USP26: variants seen among roughly 807,000 people sequenced by gnomAD.
USP26 encodes the protein ubiquitin carboxyl-terminal hydrolase 26.
For missense variants in USP26, 649 were observed against 642.3 expected, an observed-to-expected ratio of 1.01 and a Z score of -0.11; for synonymous variants, 236 against 240.6, an observed-to-expected ratio of 0.98 and a Z score of 0.18.
In USP26 at chrX:133,023,667, T is replaced by C. The variant is rs1602963219; in HGVS notation, c.*1812A>G. ...ATTCAATCTATGATATTCCCTCCTA[T>C]ATACCTTAGCAATCTTCAGGTCTCA... On this transcript the variant is annotated 3_prime_UTR_variant, in exon 6 of 6. Transcript: ENST00000511190. Among the ~76,000 whole-genome samples, 1 of 111,720 alleles carries C rather than the reference T, an allele frequency of 9.0e-6. No homozygotes were observed. The highest frequency in any genetic ancestry group is 3.3e-5 in the African/African-American group (1 of 30,738).
intron 5 of USP26, among the ~76,000 whole-genome samples, chrX:133,039,122 C>A (rs2067407600): frequency 9.0e-6 from 1 of 110,891 alleles, no homozygotes; most frequent in African/African-American, 3.3e-5. Context: ...AGCTCCTGGA[C>A]TCATTGATTT....
At chrX:133,082,562 C>A (rs1166760766) in intron 5 of USP26, among the ~76,000 whole-genome samples, 1 of 111,989 alleles carries the variant, frequency 8.9e-6, no homozygotes, top group Admixed American at 9.5e-5. Flanking sequence ...TGTGAGTAAA[C>A]CTCCTGGAGA....
At chrX:133,051,849 T>C (rs1260382866) in intron 5 of USP26, among the ~76,000 whole-genome samples, 1 of 112,353 alleles carries the variant, frequency 8.9e-6, no homozygotes, top group Non-Finnish European at 1.9e-5. Context: ...TCCATATTCA[T>C]ATAGGGAAGA....
chrX:133,058,157 A>G (rs2067482935), intron 5 of USP26, among the ~76,000 whole-genome samples: 1 of 107,718 alleles, frequency 9.3e-6, no homozygotes, highest in South Asian at 4.2e-4. Flanking sequence ...CTGGGATTAC[A>G]GGCATGATAT....
At chrX:133,067,952 C>T (rs888949436) in intron 5 of USP26, among the ~76,000 whole-genome samples, 1 of 111,622 alleles carries the variant, frequency 9.0e-6, no homozygotes, top group Non-Finnish European at 1.9e-5. Context: ...AAAACAGTTC[C>T]TTAAAGAAGC....
chrX:133,036,291 C>A (rs755893240), intron 5 of USP26, among the ~76,000 whole-genome samples: 1 of 110,236 alleles, frequency 9.1e-6, no homozygotes, highest in Non-Finnish European at 1.9e-5. Context: ...GCTCCATATG[C>A]ATTAGGTATT....
At chrX:133,057,256 T>C (rs1422508836) in intron 5 of USP26, among the ~76,000 whole-genome samples, 1 of 111,489 alleles carries the variant, frequency 9.0e-6, no homozygotes, top group African/African-American at 3.3e-5. Flanking sequence ...GACTTTATTA[T>C]TTTAGAAAGT....
At chrX:133,038,515 C>T (rs1275862255) in intron 5 of USP26, among the ~76,000 whole-genome samples, 1 of 111,552 alleles carries the variant, frequency 9.0e-6, no homozygotes, top group African/African-American at 3.3e-5. Context: ...GGGACGAAGC[C>T]GGCTTGATTG....
rs1486812239 is a variant in USP26, at chrX:133,057,864, A to AT, written c.-77+25842dup. Among the ~76,000 whole-genome samples the AT allele has an allele frequency of 6.4e-3, 97 of 15,150 alleles. 2 individuals carry two copies. Among genetic ancestry groups the AT allele is most frequent in the East Asian group, 0.013 (9 of 717 alleles). 13.2% of individuals were successfully genotyped at this position (15,150 alleles called of 115,157 possible). The stretch of plus-strand genomic sequence containing the variant: ...TTACATTATATATATATATATATAT[A>AT]TATTTTTTTTTTTTTTTTTTTTTTT... On this transcript the variant is annotated intron_variant, in intron 5 of 5. Transcript: ENST00000511190.
chrX:133,083,121 G>A (rs1444494202), intron 5 of USP26, among the ~76,000 whole-genome samples: 1 of 112,048 alleles, frequency 8.9e-6, no homozygotes, highest in African/African-American at 3.2e-5. Flanking sequence ...AGTTCAAGGG[G>A]AGGGGAGGAG....
chrX:133,045,920 G>C (rs1339447803), intron 5 of USP26: 1 of 112,204 alleles, frequency 8.9e-6, no homozygotes, highest in Non-Finnish European at 1.9e-5. Flanking sequence ...GTCATCCTGG[G>C]AACATCCATG....
intron 5 of USP26, among the ~76,000 whole-genome samples, chrX:133,079,935 A>G (rs1263441936): frequency 8.9e-6 from 1 of 111,958 alleles, no homozygotes; most frequent in Non-Finnish European, 1.9e-5. Context: ...TTCTAGTGAC[A>G]GTTATTGTAG....
intron 1 of USP26, among the ~76,000 whole-genome samples, chrX:133,096,047 A>ATTTTTTTTTTTT (rs779131148): frequency 1.4e-4 from 5 of 36,537 alleles, no homozygotes; most frequent in Non-Finnish European, 1.7e-4. Context: ...GCCCGGCCTA[A>ATTTTTTTTTTTT]TTTTTTTTTT....
chrX:133,067,607 A>G (rs1170104041), intron 5 of USP26, among the ~76,000 whole-genome samples: 4 of 112,406 alleles, frequency 3.6e-5, no homozygotes, highest in Admixed American at 2.8e-4. Flanking sequence ...CATCATCCTC[A>G]GCAAACTAAC....
intron 5 of USP26, among the ~76,000 whole-genome samples, chrX:133,082,714 C>T (rs148330558): frequency 1.8e-3 from 198 of 111,776 alleles, no homozygotes; most frequent in South Asian, 1.0e-2. Context: ...CACAGAGAAA[C>T]TGCAGGAAAT....
intron 5 of USP26, among the ~76,000 whole-genome samples, chrX:133,047,534 T>C (rs2148529712): frequency 8.9e-6 from 1 of 112,199 alleles, no homozygotes; most frequent in African/African-American, 3.2e-5. Context: ...CAGGAAGATA[T>C]AAATTGCAAA....
chrX:133,085,768 G>C (rs1356939108), intron 4 of USP26, among the ~76,000 whole-genome samples: 1 of 111,440 alleles, frequency 9.0e-6, no homozygotes, highest in East Asian at 2.8e-4. Context: ...GAATGAGAAA[G>C]CATAGATTTA....
At chrX:133,048,920 T>C (rs1172014481) in intron 5 of USP26, among the ~76,000 whole-genome samples, 2 of 111,826 alleles carry the variant, frequency 1.8e-5, no homozygotes, top group Non-Finnish European at 3.8e-5. Flanking sequence ...GAGCCACCTA[T>C]GCTTACTTCT....
intron 5 of USP26, among the ~76,000 whole-genome samples, chrX:133,079,114 C>G (rs1315657713): frequency 8.9e-6 from 1 of 111,852 alleles, no homozygotes; most frequent in East Asian, 2.8e-4. Context: ...CAATCCTGAT[C>G]AAGCTTCTAC....
Sources: gnomAD v4.1 joint callset for allele counts (sites outside exome capture counted in the v4.1 genomes callset) on GRCh38, gnomAD v4.1.1 for gene constraint, MANE v1.5 for transcripts, NCBI Gene and HGNC (gene_info 2026-07-23, HGNC 2026-07-21) for gene names.